RANBP3L: variants seen among roughly 807,000 people sequenced by gnomAD.
RANBP3L encodes ran-binding protein 3-like.
A neutral mutation model predicts 67.2 loss-of-function variants in RANBP3L; 56 were observed. The observed-to-expected ratio is 0.83, with a 90% confidence interval of 0.67 to 1.04. The LOEUF (loss-of-function observed/expected upper bound fraction) is 1.04. RANBP3L is among the 50% of genes least tolerant of loss of function. RANBP3L has a pLI of 0.00. For synonymous variants in RANBP3L, 164 were observed against 181.4 expected, an observed-to-expected ratio of 0.90 and a Z score of 0.77; for missense variants, 496 against 535.5, an observed-to-expected ratio of 0.93 and a Z score of 0.73.
At chr5:36,292,341 T>G (rs1178225785) in intron 1 of RANBP3L, among the ~76,000 whole-genome samples, 14 of 151,938 alleles carry the variant, frequency 9.2e-5, no homozygotes, top group African/African-American at 3.4e-4. Flanking sequence ...TTTCTCCCAT[T>G]TTGTAGGTTG....
chr5:36,264,787 T>A (rs1749637198), intron 6 of RANBP3L, among the ~76,000 whole-genome samples, 172 bp downstream of exon 6: 1 of 152,098 alleles, frequency 6.6e-6, no homozygotes. Flanking sequence ...AGACTACAAC[T>A]CTCCAATGTC....
Position 36,249,563 on chromosome 5 carries a change from G to T in RANBP3L, c.*91C>A. 1.8e-6 allele frequency: 1 copy of T among 566,320 alleles called. No homozygotes were observed. The highest frequency in any genetic ancestry group is 3.1e-6 in the Non-Finnish European group (1 of 318,886). The allele number at this position is 566,320 out of a possible 1,614,324, so 35.1% of individuals were successfully genotyped here. A position where few individuals can be genotyped will look rare whatever the true frequency, so the allele number is the denominator to read the frequency against. On this transcript the variant is annotated 3_prime_UTR_variant, in exon 14 of 14. Transcript: ENST00000296604. The stretch of plus-strand genomic sequence containing the variant: ...TTTCTATAAAAACTCTTCAAGGAAT[G>T]AATAGAATCTTCTCATTAGTTAGGG...
At position 36,247,781 on chromosome 5, in the gene RANBP3L, G is replaced by A. The variant is rs1748367724; in HGVS notation, c.*1873C>T. 6.6e-6 allele frequency among the ~76,000 whole-genome samples: 1 copy of A among 152,230 alleles called. No individual in the cohort carries two copies. Among genetic ancestry groups the A allele is most frequent in the Admixed American group, 6.5e-5 (1 of 15,286 alleles). On this transcript the variant is annotated 3_prime_UTR_variant, in exon 14 of 14. Transcript: ENST00000296604. ...CGCCTGTAATCCCAGCTACTCAGGAGGCTGAGTGAGGCACGAGAATCCCTT... is the reference window on the plus strand; with the variant it reads ...CGCCTGTAATCCCAGCTACTCAGGAAGCTGAGTGAGGCACGAGAATCCCTT...
intron 4 of RANBP3L, among the ~76,000 whole-genome samples, chr5:36,266,173 T>C (rs1749771603): frequency 6.6e-6 from 1 of 152,098 alleles, no homozygotes; most frequent in Non-Finnish European, 1.5e-5. Flanking sequence ...GGCATTAATA[T>C]ATAGCTCTTA....
In RANBP3L at chr5:36,257,562, A is replaced by C; in HGVS notation, c.670-6T>G. 7.4e-7 allele frequency: 1 copy of C among 1,349,842 alleles called. No individual in the cohort carries two copies. Among genetic ancestry groups the C allele is most frequent in the African/African-American group, 1.5e-5 (1 of 68,286 alleles). 83.6% of individuals were successfully genotyped at this position (1,349,842 alleles called of 1,614,324 possible). A position where few individuals can be genotyped will look rare whatever the true frequency, so the allele number is the denominator to read the frequency against. ...TGGGTGAGTTTTTGAGTACCCTGAG[A>C]GCGGAAAAAGATGCATTATTTTATT... On this transcript the variant is annotated splice_polypyrimidine_tract_variant and splice_region_variant and intron_variant, in intron 8 of 13. Transcript: ENST00000296604.
intron 1 of RANBP3L, among the ~76,000 whole-genome samples, chr5:36,281,908 T>A (rs1417295958): frequency 6.6e-6 from 1 of 152,226 alleles, no homozygotes; most frequent in East Asian, 1.9e-4. Context: ...ATAAGACTAT[T>A]GTGTTCTTTT....
chr5:36,255,340 ATTTTC>A, intron 11 of RANBP3L, 125 bp downstream of exon 11: 1 of 873,510 alleles, frequency 1.1e-6, no homozygotes, highest in East Asian at 2.9e-5. Flanking sequence ...CTATAGAAAT[ATTTTC>A]AACAGTCTGA....
chr5:36,277,922 G>C (rs1192575524), intron 1 of RANBP3L, among the ~76,000 whole-genome samples: 1 of 152,122 alleles, frequency 6.6e-6, no homozygotes, highest in Non-Finnish European at 1.5e-5. Flanking sequence ...GCAGACAAGA[G>C]AGAATTGAGA....
At chr5:36,264,892 C>A (rs1036866398) in intron 6 of RANBP3L, 67 bp downstream of exon 6, 2 of 1,491,712 alleles carry the variant, frequency 1.3e-6, no homozygotes, top group Non-Finnish European at 1.8e-6. Flanking sequence ...GATATGGGGG[C>A]CCCAAACAAC....
chr5:36,275,916 C>A (rs1750537021), intron 1 of RANBP3L, among the ~76,000 whole-genome samples: 1 of 152,066 alleles, frequency 6.6e-6, no homozygotes, highest in Admixed American at 6.6e-5. Flanking sequence ...CCATTTGATT[C>A]TTTAAATCAC....
rs79601954 is a variant in RANBP3L at position 36,273,432 on chromosome 5, G to A, written c.92-2121C>T. On this transcript the variant is annotated intron_variant, in intron 1 of 13. Transcript: ENST00000296604. ...CATTAATTCAACACATATTTATTGA[G>A]CATCTTTTTTATGCAAGCATTGTGC... Among the ~76,000 whole-genome samples the A allele has an allele frequency of 8.5e-4, 129 of 152,278 alleles. 1 individual carries two copies. Among genetic ancestry groups the A allele is most frequent in the African/African-American group, 3.0e-3 (124 of 41,566 alleles).
intron 1 of RANBP3L, among the ~76,000 whole-genome samples, chr5:36,297,989 C>T (rs571697358): frequency 2.6e-4 from 40 of 152,112 alleles, no homozygotes; most frequent in Middle Eastern, 3.4e-3. Flanking sequence ...TAGCATATGG[C>T]ATGGGGGGTT....
intron 8 of RANBP3L, among the ~76,000 whole-genome samples, chr5:36,257,890 CAAAAGAAAG>C (rs1252927566): frequency 6.6e-6 from 1 of 151,720 alleles, no homozygotes; most frequent in Admixed American, 6.6e-5. Context: ...CCAGGAGGTA[CAAAAGAAAG>C]AAAAGAAAGA....
At chr5:36,291,533 A>G (rs1181319560) in intron 1 of RANBP3L, among the ~76,000 whole-genome samples, 3 of 151,998 alleles carry the variant, frequency 2.0e-5, no homozygotes, top group African/African-American at 4.8e-5. Context: ...ATATCTTCCA[A>G]TGCTATCCCT....
intron 1 of RANBP3L, among the ~76,000 whole-genome samples, chr5:36,280,408 A>T (rs749689479): frequency 6.6e-5 from 10 of 152,178 alleles, no homozygotes; most frequent in African/African-American, 1.4e-4. Flanking sequence ...TTTCATTTGC[A>T]TTTAAGAAAC....
At position 36,248,774 on chromosome 5, in the gene RANBP3L, G is replaced by C. The variant is rs996974147; in HGVS notation, c.*880C>G. The C allele has an allele frequency of 2.6e-5, 4 of 152,134 alleles. No individual in the cohort carries two copies. The highest frequency in any genetic ancestry group is 6.5e-5 in the Admixed American group (1 of 15,276). 9.4% of individuals were successfully genotyped at this position (152,134 alleles called of 1,614,324 possible). On this transcript the variant is annotated 3_prime_UTR_variant, in exon 14 of 14. Coordinates refer to ENST00000296604, the MANE Select transcript of RANBP3L (RefSeq NM_145000.5). Reference sequence around the variant, plus strand: ...CTTGTGTGATTCATGAGGTGTCTCTGAAACAAATCGCAAAGAAGAGGATCA... The same window carrying C: ...CTTGTGTGATTCATGAGGTGTCTCTCAAACAAATCGCAAAGAAGAGGATCA...
intron 1 of RANBP3L, among the ~76,000 whole-genome samples, chr5:36,274,283 GTAAT>G (rs1461834857): frequency 1.4e-4 from 21 of 152,296 alleles, no homozygotes; most frequent in African/African-American, 5.1e-4. Context: ...ACAGAACTAA[GTAAT>G]TAATTACGCA....
intron 1 of RANBP3L, among the ~76,000 whole-genome samples, chr5:36,286,852 G>A (rs1398616152): frequency 6.6e-6 from 1 of 152,132 alleles, no homozygotes; most frequent in East Asian, 1.9e-4. Context: ...ACCTCTTACA[G>A]GTCTTTACTC....
At chr5:36,268,504 G>T (rs1749969067) in intron 4 of RANBP3L, among the ~76,000 whole-genome samples, 2 of 152,072 alleles carry the variant, frequency 1.3e-5, no homozygotes, top group African/African-American at 4.8e-5. Context: ...CAACCATGAA[G>T]ATGACCTCGA....
Sources: allele counts gnomAD v4.1 joint callset (sites outside exome capture counted in the v4.1 genomes callset), GRCh38; gene constraint gnomAD v4.1.1; transcripts MANE v1.5; gene names NCBI Gene and HGNC (gene_info 2026-07-23, HGNC 2026-07-21).